The following TNRC6C variants were observed in gnomAD, a reference collection of about 807,000 sequenced individuals.
TNRC6C encodes trinucleotide repeat containing adaptor 6C.
In TNRC6C, 20 loss-of-function variants were observed where a neutral mutation model predicts 153.7. The observed-to-expected ratio is 0.13, with a 90% CI of 0.09 to 0.19. The LOEUF is 0.19. TNRC6C is among the 10% of genes least tolerant of loss of function. The pLI is 1.00. For missense variants in TNRC6C, 1,987 were observed against 2,172.0 expected (o/e 0.91, Z 1.69); for synonymous variants, 811 against 841.4 (o/e 0.96, Z 0.63).
chr17:78,106,507 A>C (rs1486774330), exon 20 of TNRC6C: 1 of 148,794 alleles, frequency 6.7e-6, no homozygotes, highest in Non-Finnish European at 1.5e-5. Context: ...AACTCCTAGC[A>C]CTGAAGATGT....
intron 10 of TNRC6C, 47 bp from the exon 13 acceptor site, chr17:78,083,000 A>C: frequency 6.2e-7 from 1 of 1,604,376 alleles, no homozygotes; most frequent in Non-Finnish European, 8.5e-7. Context: ...ACAAGTAACT[A>C]TTTTAACAGA....
intron 2 of TNRC6C, among the ~76,000 whole-genome samples, chr17:78,044,448 C>T (rs551114429): frequency 3.9e-5 from 6 of 152,196 alleles, no homozygotes; most frequent in Non-Finnish European, 7.3e-5. Context: ...AGAATAGGTA[C>T]GCCTTGCCTT....
intron 1 of TNRC6C, among the ~76,000 whole-genome samples, chr17:77,978,640 A>G (rs555095004): frequency 1.3e-5 from 2 of 152,272 alleles, no homozygotes; most frequent in Admixed American, 1.3e-4. Context: ...AAACCTGAAC[A>G]AAAAGCTGAG....
At chr17:78,010,575 A>G (rs1483445412) in intron 1 of TNRC6C, among the ~76,000 whole-genome samples, 1 of 152,196 alleles carries the variant, frequency 6.6e-6, no homozygotes, top group East Asian at 1.9e-4. Flanking sequence ...TGTTGTCAGT[A>G]TAATTATTAA....
chr17:78,060,283 T>A (rs1453573208), intron 3 of TNRC6C, among the ~76,000 whole-genome samples: 1 of 152,148 alleles, frequency 6.6e-6, no homozygotes, highest in Non-Finnish European at 1.5e-5. Context: ...CAGCTATCAA[T>A]TCTGCTCTGT....
rs778386206 is a variant in TNRC6C, at chr17:78,086,951, C to A, written c.3660C>A (p.Pro1220=). The change falls in exon 13 of 20, where the codon CCC becomes CCA. Residue 1220 remains proline, a synonymous_variant. Transcript: ENST00000301624. ...TGAAGCAGCCACCACCGCCACCGCC[C>A]CCGCCGCACCTGTCTCTGCACCCCT... is the stretch of plus-strand genomic sequence containing the variant. The A allele has an allele frequency of 3.5e-5, 57 of 1,613,210 alleles. No individual in the cohort carries two copies. The East Asian group carries it at 1.1e-3, about 32-fold the overall frequency.
At chr17:78,001,085 G>C (rs1384872940), upstream of TNRC6C, among the ~76,000 whole-genome samples, 2 of 152,120 alleles carry the variant, frequency 1.3e-5, no homozygotes, top group African/African-American at 2.4e-5. Context: ...CCTCCTCCTA[G>C]CTGCCTCCAA....
At chr17:78,026,238 T>C (rs1001663894) in intron 1 of TNRC6C, among the ~76,000 whole-genome samples, 2 of 152,174 alleles carry the variant, frequency 1.3e-5, no homozygotes, top group African/African-American at 4.8e-5. Flanking sequence ...ATTTACAGCC[T>C]AGAGAAGAAG....
intron 1 of TNRC6C, among the ~76,000 whole-genome samples, chr17:77,987,774 G>GA (rs1348420027): frequency 6.6e-6 from 1 of 152,048 alleles, no homozygotes; most frequent in African/African-American, 2.4e-5. Context: ...CTGCCTCCCG[G>GA]GTTCAAGCGA....
chr17:77,971,486 C>G (rs2070939515), intron 1 of TNRC6C, among the ~76,000 whole-genome samples: 1 of 152,174 alleles, frequency 6.6e-6, no homozygotes, highest in Non-Finnish European at 1.5e-5. Flanking sequence ...ATTTCCATAT[C>G]CAGTTGCCTG....
intron 1 of TNRC6C, among the ~76,000 whole-genome samples, chr17:77,986,401 G>GA (rs2071168473): frequency 9.0e-6 from 1 of 111,542 alleles, no homozygotes; most frequent in Non-Finnish European, 1.7e-5. Flanking sequence ...CAACAAGAGT[G>GA]AAACTCCATC....
At chr17:78,007,570 AT>A (rs996742878) in intron 1 of TNRC6C, among the ~76,000 whole-genome samples, 2 of 152,200 alleles carry the variant, frequency 1.3e-5, no homozygotes, top group Non-Finnish European at 2.9e-5. Context: ...ACATTCTAGC[AT>A]TTTGACTTCC....
chr17:78,065,001 T>C (rs951519394), intron 4 of TNRC6C, 64 bp downstream of exon 6: 6 of 1,495,076 alleles, frequency 4.0e-6, no homozygotes, highest in Non-Finnish European at 5.4e-6. Flanking sequence ...TATTGAATTT[T>C]AAAGATTAGA....
chr17:78,065,649 C>G (rs1176267165), intron 4 of TNRC6C, among the ~76,000 whole-genome samples: 1 of 152,174 alleles, frequency 6.6e-6, no homozygotes, highest in East Asian at 1.9e-4. Flanking sequence ...CTCACAGCAG[C>G]CTAACGCATC....
chr17:77,964,878 A>G (rs1002677091), intron 1 of TNRC6C, among the ~76,000 whole-genome samples: 3 of 152,046 alleles, frequency 2.0e-5, no homozygotes, highest in Admixed American at 6.6e-5. Context: ...GCTATGGCTG[A>G]TGTCTTAAAC....
At chr17:78,107,415 C>T (rs919012806) in exon 20 of TNRC6C, 2 of 152,142 alleles carry the variant, frequency 1.3e-5, no homozygotes, top group African/African-American at 2.4e-5. Flanking sequence ...GAAAGTACAA[C>T]GCTTTATTGA....
chr17:78,035,565 C>T (rs898197201), intron 2 of TNRC6C, among the ~76,000 whole-genome samples: 1 of 152,156 alleles, frequency 6.6e-6, no homozygotes, highest in Admixed American at 6.5e-5. Flanking sequence ...AGCTACCTGA[C>T]AGGCTGAGGG....
chr17:78,054,314 C>T (rs141327059), intron 3 of TNRC6C, among the ~76,000 whole-genome samples: 2,264 of 152,082 alleles, frequency 0.015, 70 homozygotes, highest in African/African-American at 0.052. Flanking sequence ...CTGCAGACTA[C>T]GCACACCACT....
chr17:78,075,495 A>G lies in TNRC6C; in HGVS notation c.3060+217A>G. On this transcript the variant is annotated intron_variant, in intron 8 of 19. Transcript: ENST00000301624. The surrounding 1 kb of genome is among the most constrained non-coding windows in gnomAD (Gnocchi z 4.2). ...GAGAATGAAAAAGACTGGGATTGAA[A>G]ACTGATTTTCATATTTATTGTGTGA... 1.7e-6 allele frequency: 1 copy of G among 593,462 alleles called. No individual in the cohort carries two copies. The allele number at this position is 593,462 out of a possible 1,614,324, so 36.8% of individuals were successfully genotyped here. A position where few individuals can be genotyped will look rare whatever the true frequency, so the allele number is the denominator to read the frequency against.
Sources: allele counts gnomAD v4.1 joint callset (sites outside exome capture counted in the v4.1 genomes callset), GRCh38; gene constraint gnomAD v4.1.1; non-coding constraint Gnocchi (gnomAD v3.1); transcripts MANE v1.5; gene names NCBI Gene and HGNC (gene_info 2026-07-23, HGNC 2026-07-21).